KIAA0586: variants seen among roughly 807,000 people sequenced by gnomAD.
The protein encoded by KIAA0586 is KIAA0586.
A neutral mutation model predicts 169.8 loss-of-function variants in KIAA0586; 144 were observed. The observed-to-expected ratio is 0.85, with a 90% confidence interval of 0.74 to 0.97. KIAA0586 has a LOEUF of 0.97. KIAA0586 is among the 50% of genes least tolerant of loss of function. The pLI, the probability that KIAA0586 is intolerant of heterozygous loss-of-function variation, is 0.00. For missense variants in KIAA0586, 1,854 were observed against 1,823.0 expected (o/e 1.02, Z -0.31); for synonymous variants, 625 against 612.4 (o/e 1.02, Z -0.30).
intron 14 of KIAA0586, among the ~76,000 whole-genome samples, chr14:58,461,563 T>G (rs1273820600): frequency 1.3e-5 from 2 of 152,120 alleles, no homozygotes; most frequent in East Asian, 3.9e-4. Flanking sequence ...GCCTCCCAAG[T>G]AGCTGGGATG....
In KIAA0586 at chr14:58,458,476, G is replaced by T. The variant is rs1387133824; in HGVS notation, c.1587G>T (p.Glu529Asp). 2 of 1,515,494 alleles carry T rather than the reference G, an allele frequency of 1.3e-6. No individual in the cohort carries two copies. The highest frequency in any genetic ancestry group is 2.0e-5 in the Admixed American group (1 of 50,326). The allele number at this position is 1,515,494 out of a possible 1,614,324, so 93.9% of individuals were successfully genotyped here. Residue 529 changes from glutamate to aspartate, a missense_variant, in exon 12 of 31, where the codon GAG (glutamate) becomes GAT (aspartate). By Grantham distance (45) the Glu-to-Asp change is conservative (BLOSUM62 2). Coordinates refer to ENST00000652326, the MANE Select transcript of KIAA0586 (RefSeq NM_001329943.3). ...SLINALSTNR[E>D]MSEKIRIRKT... ...AATTCCTTTTTCTCTTTTATAGAGA[G>T]ATGTCAGAGAAAATTAGGATCAGAA...
At chr14:58,560,538 G>C in the KIAA0586 span, among the ~76,000 whole-genome samples, 1 of 152,284 alleles carries the variant, frequency 6.6e-6, no homozygotes, top group East Asian at 1.9e-4. Context: ...AATGCGAGGT[G>C]TCCTGTGAGG....
chr14:58,501,456 C>A (rs2043565480), intron 27 of KIAA0586, among the ~76,000 whole-genome samples: 1 of 152,148 alleles, frequency 6.6e-6, no homozygotes, highest in African/African-American at 2.4e-5. Flanking sequence ...TACTTAAGAG[C>A]TACTAGGTAT....
At chr14:58,441,190 CTTTTTTT>C (rs71107949) in intron 4 of KIAA0586, 84 of 157,882 alleles carry the variant, frequency 5.3e-4, no homozygotes, top group South Asian at 1.1e-3. Flanking sequence ...TCTTACAATT[CTTTTTTT>C]TTTTTTTTTT....
downstream of KIAA0586, among the ~76,000 whole-genome samples, chr14:58,552,518 G>T (rs908709285): frequency 5.3e-5 from 8 of 152,132 alleles, no homozygotes; most frequent in African/African-American, 1.9e-4. Context: ...GGTCTTTATA[G>T]TATGAATGGT....
intron 9 of KIAA0586, among the ~76,000 whole-genome samples, chr14:58,454,192 G>T (rs2039630930): frequency 6.6e-6 from 1 of 151,774 alleles, no homozygotes; most frequent in Non-Finnish European, 1.5e-5. Context: ...ATTATTTTTT[G>T]AGTTATTTTC....
At chr14:58,494,327 TTG>T (rs928800004) in intron 26 of KIAA0586, among the ~76,000 whole-genome samples, 4 of 14,316 alleles carry the variant, frequency 2.8e-4, no homozygotes, top group Non-Finnish European at 4.3e-4. Flanking sequence ...TTGTTTTTTG[TTG>T]TTTTTTTTTT....
intron 28 of KIAA0586, 33 bp from the exon 29 acceptor site, chr14:58,512,486 AAAT>A (rs2141478912): frequency 8.5e-7 from 1 of 1,170,060 alleles, no homozygotes; most frequent in East Asian, 3.0e-5. Context: ...AGTAACTAAA[AAAT>A]AATATTATGA....
Position 58,494,122 on chromosome 14 carries a change from AT to A in KIAA0586, c.3990+1852del, listed in dbSNP as rs200513293. Among the ~76,000 whole-genome samples, 90 of 139,904 alleles carry A rather than the reference AT, an allele frequency of 6.4e-4. 3 individuals carry two copies. In the East Asian group the frequency reaches 0.019, roughly 29 times the overall value. The allele number at this position is 139,904 out of a possible 152,430, so 91.8% of individuals were successfully genotyped here. On this transcript the variant is annotated intron_variant, in intron 26 of 30. Transcript: ENST00000652326. ...TTTCTCTTTTTTTTTTCTTCCTTTCATTTTTCCCCCCTCTCTCTAGAACTCT... is the reference window on the plus strand; with the variant it reads ...TTTCTCTTTTTTTTTTCTTCCTTTCATTTTCCCCCCTCTCTCTAGAACTCT...
chr14:58,544,268 A>G (rs979804020), intron 30 of KIAA0586, among the ~76,000 whole-genome samples: 1 of 152,058 alleles, frequency 6.6e-6, no homozygotes, highest in Non-Finnish European at 1.5e-5. Flanking sequence ...CCAATTTGTC[A>G]TCCATGGGCA....
chr14:58,492,058 G>A (rs1353648313), intron 25 of KIAA0586, 86 bp from the exon 26 acceptor site: 4 of 1,103,970 alleles, frequency 3.6e-6, no homozygotes, highest in Non-Finnish European at 5.0e-6. Context: ...TCTCATGACT[G>A]ATAAGTTTTT....
the KIAA0586 span, among the ~76,000 whole-genome samples, chr14:58,557,023 G>C: frequency 1.3e-5 from 2 of 152,216 alleles, no homozygotes; most frequent in African/African-American, 4.8e-5. Context: ...GGGATTACAG[G>C]CATAAGCCAC....
At position 58,488,862 on chromosome 14, in the gene KIAA0586, T is replaced by C; in HGVS notation, c.3769T>C (p.Leu1257=). 1 of 1,613,804 alleles carries C rather than the reference T, an allele frequency of 6.2e-7. No homozygotes were observed. The highest frequency in any genetic ancestry group is 1.1e-5 in the South Asian group (1 of 91,032). The change falls in exon 24 of 31, where the codon TTG becomes CTG. Residue 1257 remains leucine, a synonymous_variant. Coordinates refer to ENST00000652326, the MANE Select transcript of KIAA0586 (RefSeq NM_001329943.3). ...GEILFSCGQK[L]APKILEDIGL... The stretch of plus-strand genomic sequence containing the variant: ...GATTTTATTTAGCTGTGGTCAAAAA[T>C]TGGCCCCCAAGAGTAAGTTAATTTG...
downstream of KIAA0586, among the ~76,000 whole-genome samples, chr14:58,556,043 A>G (rs2047239407): frequency 6.6e-6 from 1 of 152,224 alleles, no homozygotes; most frequent in African/African-American, 2.4e-5. Flanking sequence ...CAATGTCTTT[A>G]CCATTTTTAG....
At chr14:58,461,891 A>G (rs1040428236) in intron 14 of KIAA0586, among the ~76,000 whole-genome samples, 7 of 152,208 alleles carry the variant, frequency 4.6e-5, no homozygotes, top group African/African-American at 1.7e-4. Context: ...AGTCACATCT[A>G]CTGTTTCACT....
intron 26 of KIAA0586, 68 bp from the exon 27 acceptor site, chr14:58,498,715 G>A: frequency 7.3e-7 from 1 of 1,367,632 alleles, no homozygotes; most frequent in Non-Finnish European, 9.9e-7. Flanking sequence ...CATGATATTT[G>A]GCAAAGATTT....
intron 24 of KIAA0586, 36 bp downstream of exon 24, chr14:58,488,910 G>A: frequency 1.3e-6 from 2 of 1,594,088 alleles, no homozygotes; most frequent in Non-Finnish European, 8.6e-7. Context: ...TTACTTGTTA[G>A]ATTATGCTAA....
chr14:58,485,910 C>T (rs1471673278), intron 21 of KIAA0586, among the ~76,000 whole-genome samples: 1 of 151,970 alleles, frequency 6.6e-6, no homozygotes, highest in African/African-American at 2.4e-5. Flanking sequence ...CTATGCCTTT[C>T]CTTCATGTCT....
intron 29 of KIAA0586, among the ~76,000 whole-genome samples, chr14:58,536,116 T>A (rs1271995204): frequency 6.6e-6 from 1 of 152,142 alleles, no homozygotes; most frequent in East Asian, 1.9e-4. Flanking sequence ...AAAATACCAA[T>A]TTTTATAAAT....
Sources: gnomAD v4.1 joint callset for allele counts (sites outside exome capture counted in the v4.1 genomes callset) on GRCh38, gnomAD v4.1.1 for gene constraint, MANE v1.5 for transcripts, NCBI Gene and HGNC (gene_info 2026-07-23, HGNC 2026-07-21) for gene names.